Variants in NAV3 observed in about 807,000 individuals in gnomAD.
The protein encoded by NAV3 is neuron navigator 3.
NAV3 carries 87 observed loss-of-function variants against 244.7 expected under a neutral mutation model. The observed-to-expected ratio is 0.36, with a 90% CI of 0.30 to 0.42. NAV3 has a LOEUF of 0.42. Among genes scored for constraint, NAV3 ranks in the 20% least tolerant of loss-of-function variants. NAV3 has a pLI of 1.00. For synonymous variants in NAV3, 1,126 were observed against 1,042.2 expected, an observed-to-expected ratio of 1.08 and a Z score of -1.55; for missense variants, 2,663 against 2,893.3, an observed-to-expected ratio of 0.92 and a Z score of 1.83.
intron 2 of NAV3, among the ~76,000 whole-genome samples, chr12:77,720,805 T>G (rs1307747471): frequency 6.6e-6 from 1 of 152,108 alleles, no homozygotes; most frequent in Non-Finnish European, 1.5e-5. Context: ...GGTTTCTGGA[T>G]TTCTCACAAA....
At chr12:77,854,204 G>A (rs1453444313) in intron 1 of NAV3, among the ~76,000 whole-genome samples, 1 of 152,084 alleles carries the variant, frequency 6.6e-6, no homozygotes, top group Non-Finnish European at 1.5e-5. Flanking sequence ...TTAATAGAAA[G>A]CAATAGCCTA....
intron 9 of NAV3, among the ~76,000 whole-genome samples, chr12:78,025,270 A>G (rs1877829043): frequency 6.6e-6 from 1 of 151,770 alleles, no homozygotes; most frequent in African/African-American, 2.4e-5. Context: ...GTTTGGATAC[A>G]GTTTATTTGG....
chr12:78,081,154 T>C (rs1953329453), intron 12 of NAV3, among the ~76,000 whole-genome samples: 1 of 152,194 alleles, frequency 6.6e-6, no homozygotes, highest in Non-Finnish European at 1.5e-5. Flanking sequence ...CAGTTAGGTC[T>C]ATTGTTATAA....
intron 2 of NAV3, among the ~76,000 whole-genome samples, chr12:77,680,909 A>T (rs150691762): frequency 6.6e-6 from 1 of 152,238 alleles, no homozygotes; most frequent in African/African-American, 2.4e-5. Context: ...TGGAGATGAG[A>T]ATCTATTAAA....
At chr12:77,732,103 G>C (rs1274725036) in intron 2 of NAV3, among the ~76,000 whole-genome samples, 1 of 152,018 alleles carries the variant, frequency 6.6e-6, no homozygotes, top group Non-Finnish European at 1.5e-5. Context: ...AAAGACTGAG[G>C]TTGCTGCTAA....
chr12:77,776,106 A>G (rs1268636737), intron 2 of NAV3, among the ~76,000 whole-genome samples: 2 of 152,232 alleles, frequency 1.3e-5, no homozygotes, highest in Non-Finnish European at 2.9e-5. Context: ...TAGAAGCCCA[A>G]TTAATGTGTT....
chr12:78,103,608 G>A (rs1655560268), intron 12 of NAV3, among the ~76,000 whole-genome samples: 1 of 152,060 alleles, frequency 6.6e-6, no homozygotes, highest in South Asian at 2.1e-4. Context: ...ACCCAAGACT[G>A]GAAAGAAAAA....
chr12:77,642,891 C>G (rs1435586909), intron 2 of NAV3, among the ~76,000 whole-genome samples: 2 of 152,100 alleles, frequency 1.3e-5, no homozygotes, highest in Admixed American at 6.6e-5. Context: ...TTTAATAAAA[C>G]CTTATAAACA....
At chr12:77,619,878 C>G (rs1215512317) in intron 2 of NAV3, among the ~76,000 whole-genome samples, 1 of 151,934 alleles carries the variant, frequency 6.6e-6, no homozygotes, top group Admixed American at 6.6e-5. Flanking sequence ...AAGTCTCTCT[C>G]TCTCACACAC....
chr12:78,021,330 A>T (rs935765608), intron 8 of NAV3, among the ~76,000 whole-genome samples: 1 of 151,854 alleles, frequency 6.6e-6, no homozygotes, highest in African/African-American at 2.4e-5. Context: ...ATTTTTACAC[A>T]TATTTTAAAA....
chr12:77,684,463 A>T (rs1163003282), intron 2 of NAV3, among the ~76,000 whole-genome samples: 12 of 151,902 alleles, frequency 7.9e-5, no homozygotes, highest in Admixed American at 6.6e-4. Context: ...CAGTGTCCAA[A>T]TCCTGGGCTC....
At chr12:78,149,868 A>G (rs1957007563) in intron 22 of NAV3, among the ~76,000 whole-genome samples, 1 of 152,054 alleles carries the variant, frequency 6.6e-6, no homozygotes, top group Admixed American at 6.6e-5. Context: ...TTAAGCTATC[A>G]TTGTGCAATA....
At chr12:78,003,119 T>G (rs1731716) in intron 7 of NAV3, among the ~76,000 whole-genome samples, 145,456 of 147,340 alleles carry the variant, frequency 0.99, 71,839 homozygotes, top group Middle Eastern at 1. Context: ...CCATGTTTCT[T>G]TTGAGTCACT....
In NAV3 at chr12:77,973,465, A is replaced by G. The variant is rs948293839; in HGVS notation, c.671+4763A>G. Among the ~76,000 whole-genome samples the G allele has an allele frequency of 2.0e-5, 3 of 152,128 alleles. No homozygotes were observed. The East Asian group carries it at 5.8e-4, about 29-fold the overall frequency. ...ATGGGAGCAAATCAAGAATGTGTCCACTTTCAAAGATGAACGTGCTCCTAC... is the reference window on the plus strand; with the variant it reads ...ATGGGAGCAAATCAAGAATGTGTCCGCTTTCAAAGATGAACGTGCTCCTAC... On this transcript the variant is annotated intron_variant, in intron 5 of 39. Transcript: ENST00000397909.
chr12:78,038,935 C>T (rs1377680096), intron 9 of NAV3, among the ~76,000 whole-genome samples: 1 of 152,052 alleles, frequency 6.6e-6, no homozygotes, highest in African/African-American at 2.4e-5. Context: ...TGACATGTGC[C>T]TTTTTGTGCA....
chr12:78,166,866 A>C (rs4600255), intron 23 of NAV3, among the ~76,000 whole-genome samples: 7,171 of 151,796 alleles, frequency 0.047, 199 homozygotes, highest in Non-Finnish European at 0.072. Flanking sequence ...CAATTTTTTC[A>C]TTTAAAGCCA....
In NAV3 at chr12:77,647,057, CAT is replaced by C. The variant is rs200679240; in HGVS notation, c.72+74801_72+74802del. The stretch of plus-strand genomic sequence containing the variant: ...CATATATACATGGTGTATGTGTGAA[CAT>C]ATATATATACACACACACACACACA... On this transcript the variant is annotated intron_variant, in intron 2 of 8. Transcript: ENST00000550042. 7.3e-3 allele frequency among the ~76,000 whole-genome samples: 957 copies of C among 131,230 alleles called. 3 individuals are homozygous for C. Among genetic ancestry groups the C allele is most frequent in the Non-Finnish European group, 0.012 (737 of 62,702 alleles). The allele number at this position is 131,230 out of a possible 152,430, so 86.1% of individuals were successfully genotyped here. A position where few individuals can be genotyped will look rare whatever the true frequency, so the allele number is the denominator to read the frequency against.
rs56770236 is a variant in NAV3 at position 77,733,834 on chromosome 12, ATT to A, written c.72+161590_72+161591del. Among the ~76,000 whole-genome samples the A allele has an allele frequency of 2.1e-3, 260 of 124,168 alleles. 2 individuals carry two copies. The highest frequency in any genetic ancestry group is 7.1e-3 in the African/African-American group (230 of 32,312). The allele number at this position is 124,168 out of a possible 152,430, so 81.5% of individuals were successfully genotyped here. Reference sequence around the variant, plus strand: ...GCAAGCCCTAATTGACTTGGTTTAGATTTTTTTTTTTTTTTTTTTTTTTGCAA... The same window carrying A: ...GCAAGCCCTAATTGACTTGGTTTAGATTTTTTTTTTTTTTTTTTTTTGCAA... On this transcript the variant is annotated intron_variant, in intron 2 of 8. Coordinates refer to the NAV3 transcript ENST00000550042.
chr12:77,709,794 C>G lies in NAV3; in HGVS notation c.72+137528C>G, dbSNP rs976454733. On this transcript the variant is annotated intron_variant, in intron 2 of 8. Transcript: ENST00000550042. ...TGGTAATATTGATTTGTATTTCCAG[C>G]AATTAACATTGTGCCTGGCATAGAG... Among the ~76,000 whole-genome samples the G allele has an allele frequency of 5.9e-4, 90 of 152,294 alleles. 1 individual carries two copies. The highest frequency in any genetic ancestry group is 2.4e-4 in the Non-Finnish European group (16 of 68,024).
Sources: allele counts gnomAD v4.1 joint callset (sites outside exome capture counted in the v4.1 genomes callset), GRCh38; gene constraint gnomAD v4.1.1; transcripts MANE v1.5; gene names NCBI Gene and HGNC (gene_info 2026-07-23, HGNC 2026-07-21).